The following KIAA1217 variants were observed in gnomAD, a reference collection of about 807,000 sequenced individuals.
KIAA1217 encodes KIAA1217.
Under a neutral mutation model 163.9 loss-of-function variants are expected in KIAA1217, and 88 were observed. That is an observed-to-expected ratio of 0.54 (90% confidence interval 0.45 to 0.64). KIAA1217 has a LOEUF of 0.64. Ranked by LOEUF, KIAA1217 falls within the 30% of genes least tolerant of loss-of-function variation. KIAA1217 has a pLI of 0.00. For synonymous variants in KIAA1217, 903 were observed against 923.1 expected, an observed-to-expected ratio of 0.98 and a Z score of 0.39; for missense variants, 2,372 against 2,475.0, an observed-to-expected ratio of 0.96 and a Z score of 0.88.
chr10:23,762,315 A>G (rs561620211), intron 1 of KIAA1217, among the ~76,000 whole-genome samples: 14 of 70,842 alleles, frequency 2.0e-4, no homozygotes, highest in Middle Eastern at 7.4e-3. Flanking sequence ...AGACACAACA[A>G]AAAAAAAAAA....
chr10:24,460,991 G>A (rs1162956322), intron 5 of KIAA1217, among the ~76,000 whole-genome samples: 1 of 152,166 alleles, frequency 6.6e-6, no homozygotes, highest in East Asian at 1.9e-4. Context: ...GACATCCTGG[G>A]ATTTGAGTAG....
rs2042554194 is a variant in KIAA1217, at chr10:24,310,405, G to A, written c.355-70464G>A. Reference sequence around the variant, plus strand: ...CTGCCAGGATAAGATGAATGACCACGACTCTGAGTGACTAAAGCCTTAGGA... The same window carrying A: ...CTGCCAGGATAAGATGAATGACCACAACTCTGAGTGACTAAAGCCTTAGGA... On this transcript the variant is annotated intron_variant, in intron 2 of 20. Coordinates refer to ENST00000376454, the MANE Select transcript of KIAA1217 (RefSeq NM_019590.5). Among the ~76,000 whole-genome samples, 3 of 152,246 alleles carry A rather than the reference G, an allele frequency of 2.0e-5. No homozygotes were observed. The South Asian group carries it at 6.2e-4, about 32-fold the overall frequency.
At chr10:24,279,094 C>G (rs1298070884) in intron 2 of KIAA1217, among the ~76,000 whole-genome samples, 1 of 152,066 alleles carries the variant, frequency 6.6e-6, no homozygotes, top group Non-Finnish European at 1.5e-5. Context: ...CACATCTTGG[C>G]CTCCCAAAGT....
In KIAA1217 at chr10:23,803,463, G is replaced by A. The variant is rs542244208; in HGVS notation, c.-321+108229G>A. ...GCCTCAATCTGGGACATCTCTGAAA[G>A]GGCATCTCAGCCCCATCGCTTCTTA... On this transcript the variant is annotated intron_variant, in intron 1 of 18. Coordinates refer to the KIAA1217 transcript ENST00000376462. Among the ~76,000 whole-genome samples the A allele has an allele frequency of 1.1e-4, 16 of 152,340 alleles. No homozygotes were observed. In the South Asian group the frequency reaches 3.3e-3, roughly 32 times the overall value.
chr10:24,279,757 T>C (rs983072768), intron 2 of KIAA1217, among the ~76,000 whole-genome samples: 9 of 152,200 alleles, frequency 5.9e-5, no homozygotes, highest in Non-Finnish European at 8.8e-5. Context: ...GTTAAAACTT[T>C]TTACTTCTCT....
intron 2 of KIAA1217, among the ~76,000 whole-genome samples, chr10:24,176,639 C>A (rs1386004638): frequency 6.6e-6 from 1 of 152,280 alleles, no homozygotes; most frequent in Non-Finnish European, 1.5e-5. Flanking sequence ...AAGTCCCCAC[C>A]TGACTCAGGA....
At chr10:24,137,758 A>T (rs965880626) in intron 2 of KIAA1217, among the ~76,000 whole-genome samples, 2 of 152,350 alleles carry the variant, frequency 1.3e-5, no homozygotes, top group Admixed American at 1.3e-4. Flanking sequence ...TCTAAAAAGT[A>T]TGAAGTGCTA....
At chr10:24,306,785 C>T (rs1316318658) in intron 2 of KIAA1217, among the ~76,000 whole-genome samples, 1 of 152,240 alleles carries the variant, frequency 6.6e-6, no homozygotes, top group Non-Finnish European at 1.5e-5. Context: ...TTCAAAGGGA[C>T]ATCGTGTCTT....
At chr10:24,503,516 G>C (rs2067939827) in intron 9 of KIAA1217, among the ~76,000 whole-genome samples, 1 of 152,210 alleles carries the variant, frequency 6.6e-6, no homozygotes, top group Non-Finnish European at 1.5e-5. Flanking sequence ...AAGTGAAATG[G>C]AGGAGAGACC....
chr10:24,524,945 G>A (rs541873439), intron 13 of KIAA1217, among the ~76,000 whole-genome samples, 181 bp downstream of exon 13: 1 of 131,776 alleles, frequency 7.6e-6, no homozygotes, highest in East Asian at 2.1e-4. Flanking sequence ...TTCAGAGAAG[G>A]GTGAGACACC....
intron 2 of KIAA1217, among the ~76,000 whole-genome samples, chr10:24,378,136 T>C (rs998662596): frequency 1.3e-5 from 2 of 152,186 alleles, no homozygotes; most frequent in African/African-American, 4.8e-5. Context: ...AGCTTCAAGT[T>C]GAAAACTAAG....
intron 1 of KIAA1217, among the ~76,000 whole-genome samples, chr10:23,949,600 CT>C: frequency 6.6e-6 from 1 of 151,916 alleles, no homozygotes; most frequent in East Asian, 1.9e-4. Context: ...TTTGTTTTAC[CT>C]TTTTTTAAGA....
At chr10:24,508,365 G>A (rs2068644689) in intron 9 of KIAA1217, among the ~76,000 whole-genome samples, 1 of 152,190 alleles carries the variant, frequency 6.6e-6, no homozygotes, top group Non-Finnish European at 1.5e-5. Context: ...AACAATGTTT[G>A]TGAATGACCT....
intron 2 of KIAA1217, among the ~76,000 whole-genome samples, chr10:24,041,821 A>G (rs74123611): frequency 1.2e-3 from 178 of 152,334 alleles, no homozygotes; most frequent in African/African-American, 3.8e-3. Flanking sequence ...GCACTTCATA[A>G]TAATATCAAC....
chr10:24,101,717 A>AT (rs2062424201), intron 2 of KIAA1217, among the ~76,000 whole-genome samples: 1 of 152,138 alleles, frequency 6.6e-6, no homozygotes, highest in Non-Finnish European at 1.5e-5. Flanking sequence ...AAAAATGATA[A>AT]TTTCATAATG....
At chr10:24,474,549 A>G (rs2063813434) in intron 6 of KIAA1217, among the ~76,000 whole-genome samples, 1 of 152,194 alleles carries the variant, frequency 6.6e-6, no homozygotes, top group Non-Finnish European at 1.5e-5. Context: ...AGTGGAAATA[A>G]TGTGTCTGTT....
chr10:24,390,019 C>G (rs1270602358), intron 3 of KIAA1217, among the ~76,000 whole-genome samples: 1 of 152,140 alleles, frequency 6.6e-6, no homozygotes, highest in East Asian at 1.9e-4. Flanking sequence ...TTTAAGGAAG[C>G]TTCCTCTTTA....
At chr10:23,828,916 G>C (rs569937109) in intron 1 of KIAA1217, among the ~76,000 whole-genome samples, 4 of 152,168 alleles carry the variant, frequency 2.6e-5, no homozygotes, top group Non-Finnish European at 5.9e-5. Flanking sequence ...CACAGTTTCT[G>C]TAGGGGTTTT....
chr10:24,078,582 G>T (rs867296739), intron 2 of KIAA1217, among the ~76,000 whole-genome samples: 1 of 152,186 alleles, frequency 6.6e-6, no homozygotes, highest in African/African-American at 2.4e-5. Flanking sequence ...CCAAGCAGCT[G>T]TGTGACCATT....
Sources: gnomAD v4.1 joint callset for allele counts (sites outside exome capture counted in the v4.1 genomes callset) on GRCh38, gnomAD v4.1.1 for gene constraint, MANE v1.5 for transcripts, NCBI Gene and HGNC (gene_info 2026-07-23, HGNC 2026-07-21) for gene names.